Variants in CUBN observed in about 807,000 individuals in gnomAD.
CUBN encodes cubilin.
Under a neutral mutation model 405.3 loss-of-function variants are expected in CUBN, and 282 were observed. That is an observed-to-expected ratio of 0.70 (90% CI 0.63 to 0.77). The LOEUF (loss-of-function observed/expected upper bound fraction) is 0.77, where lower values mean the gene tolerates loss of function less well. Among genes scored for constraint, CUBN ranks in the 30% least tolerant of loss-of-function variants. The pLI is 0.00. For synonymous variants in CUBN, 1,684 were observed against 1,617.0 expected (o/e 1.04, Z -0.99); for missense variants, 4,514 against 4,475.2 (o/e 1.01, Z -0.25).
chr10:17,049,515 G>C (rs1255180493), intron 22 of CUBN, among the ~76,000 whole-genome samples: 3 of 152,168 alleles, frequency 2.0e-5, no homozygotes, highest in African/African-American at 7.2e-5. Context: ...GGGCAATAAT[G>C]ATGGGTAGTT....
At chr10:17,038,865 T>C (rs1306284693) in intron 27 of CUBN, among the ~76,000 whole-genome samples, 3 of 152,162 alleles carry the variant, frequency 2.0e-5, no homozygotes, top group East Asian at 3.9e-4. Flanking sequence ...CATTTTGTAT[T>C]TTTGCTCTTT....
chr10:16,991,306 A>C (rs1316634158), intron 28 of CUBN, among the ~76,000 whole-genome samples: 1 of 152,210 alleles, frequency 6.6e-6, no homozygotes, highest in Non-Finnish European at 1.5e-5. Flanking sequence ...AGGTACTGTT[A>C]GGATCCAATT....
intron 36 of CUBN, among the ~76,000 whole-genome samples, chr10:16,943,027 C>T (rs1205262651): frequency 6.6e-6 from 1 of 152,232 alleles, no homozygotes; most frequent in African/African-American, 2.4e-5. Context: ...GGGGCTCTAT[C>T]TCAGCTAATG....
intron 31 of CUBN, among the ~76,000 whole-genome samples, 169 bp downstream of exon 31, chr10:16,982,315 T>C (rs531762689): frequency 2.6e-5 from 4 of 152,320 alleles, no homozygotes; most frequent in African/African-American, 9.6e-5. Flanking sequence ...TCCTGATTTG[T>C]TTTTAGGTAA....
In CUBN at chr10:17,127,262, T is replaced by C. The variant is rs866419250; in HGVS notation, c.349-463A>G. Reference sequence around the variant, plus strand: ...TCTCTTTCTGTCTCTCTCTCTCTCTTTCTTTTTTTTTTTTTTTTTTTCTGG... The same window carrying C: ...TCTCTTTCTGTCTCTCTCTCTCTCTCTCTTTTTTTTTTTTTTTTTTTCTGG... On this transcript the variant is annotated intron_variant, in intron 3 of 66. Transcript: ENST00000377833. Among the ~76,000 whole-genome samples the C allele has an allele frequency of 2.3e-3, 181 of 80,396 alleles. 1 individual carries two copies. Among genetic ancestry groups the C allele is most frequent in the African/African-American group, 8.1e-3 (169 of 20,768 alleles). The allele number at this position is 80,396 out of a possible 152,430, so 52.7% of individuals were successfully genotyped here.
chr10:16,995,186 T>C lies in CUBN; in HGVS notation c.4169-4671A>G, dbSNP rs183327951. On this transcript the variant is annotated intron_variant, in intron 28 of 66. Transcript: ENST00000377833. ...AATAGACACAGTGGCTCTTTGTCAC[T>C]TTGGTAAGAGAAAGTTTTCATGGAG... Among the ~76,000 whole-genome samples the C allele has an allele frequency of 2.0e-5, 3 of 152,344 alleles. No homozygotes were observed. In the East Asian group the frequency reaches 5.8e-4, roughly 29 times the overall value.
chr10:16,949,941 C>A (rs1263395215), intron 34 of CUBN, 60 bp downstream of exon 34: 17 of 1,236,982 alleles, frequency 1.4e-5, no homozygotes, highest in Non-Finnish European at 1.9e-5. Flanking sequence ...TATAAATATG[C>A]GGATCTATAA....
At chr10:16,947,117 T>C (rs540363195) in intron 36 of CUBN, 118 bp downstream of exon 36, 16 of 1,116,872 alleles carry the variant, frequency 1.4e-5, no homozygotes, top group East Asian at 7.4e-5. Context: ...CAGAGGAAAT[T>C]TGGAAAAATA....
chr10:16,998,707 A>G (rs1303891077), intron 28 of CUBN, among the ~76,000 whole-genome samples: 1 of 152,214 alleles, frequency 6.6e-6, no homozygotes. Context: ...TCTGTATTCC[A>G]TCTTGTAATT....
chr10:16,910,680 A>C (rs1316542948), intron 48 of CUBN, among the ~76,000 whole-genome samples: 1 of 152,122 alleles, frequency 6.6e-6, no homozygotes, highest in Non-Finnish European at 1.5e-5. Flanking sequence ...GCAGAGACCA[A>C]TATTAGTAAA....
intron 31 of CUBN, among the ~76,000 whole-genome samples, chr10:16,974,773 C>A (rs1298448311): frequency 6.6e-6 from 1 of 152,064 alleles, no homozygotes; most frequent in Non-Finnish European, 1.5e-5. Context: ...ACTAGCGCCC[C>A]CTCCCTCTTC....
rs10904878 is a variant in CUBN at position 17,102,602 on chromosome 10, T to A, written c.1530+523A>T. On this transcript the variant is annotated intron_variant, in intron 13 of 66. Coordinates refer to ENST00000377833, the MANE Select transcript of CUBN (RefSeq NM_001081.4). ...AGGCCTGGCCTTGTTACTCTTTTTT[T>A]TTTTTTTTTTTTTTTTTTTTGTGAG... Among the ~76,000 whole-genome samples the A allele has an allele frequency of 1.7e-3, 116 of 68,400 alleles. 1 individual carries two copies. Among genetic ancestry groups the A allele is most frequent in the South Asian group, 4.7e-3 (6 of 1,288 alleles). 44.9% of individuals were successfully genotyped at this position (68,400 alleles called of 152,430 possible).
At chr10:16,949,468 G>T (rs1226689946) in intron 34 of CUBN, among the ~76,000 whole-genome samples, 1 of 127,766 alleles carries the variant, frequency 7.8e-6, no homozygotes, top group Non-Finnish European at 1.8e-5. Context: ...TGTGTGTAGT[G>T]TGTGTGTGTT....
At chr10:16,918,214 G>T (rs1347433834) in intron 45 of CUBN, among the ~76,000 whole-genome samples, 1 of 152,186 alleles carries the variant, frequency 6.6e-6, no homozygotes, top group Non-Finnish European at 1.5e-5. Flanking sequence ...ATAGTTTCAA[G>T]TCAGGTATTG....
At chr10:17,109,560 G>T in intron 10 of CUBN, 80 bp downstream of exon 10, 1 of 1,149,700 alleles carries the variant, frequency 8.7e-7, no homozygotes, top group Non-Finnish European at 1.3e-6. Context: ...GAGAACAGAG[G>T]ATTTTGTGTT....
intron 40 of CUBN, among the ~76,000 whole-genome samples, chr10:16,930,273 C>G (rs1842324368): frequency 6.6e-6 from 1 of 152,170 alleles, no homozygotes; most frequent in African/African-American, 2.4e-5. Context: ...AGTATATACC[C>G]CTTTAAGTGC....
chr10:17,015,210 T>C (rs966737921), intron 28 of CUBN, among the ~76,000 whole-genome samples: 5 of 152,126 alleles, frequency 3.3e-5, no homozygotes, highest in African/African-American at 4.8e-5. Context: ...TAAGGAAAAG[T>C]GGTGGGGTCT....
At position 16,970,506 on chromosome 10, in the gene CUBN, G is replaced by A. The variant is rs187630157; in HGVS notation, c.4695+11978C>T. ...CAGGAGAATTGCTTGAACCTGGGAG[G>A]TGGAGGTCGCAGTGAGCTGAGATCA... On this transcript the variant is annotated intron_variant, in intron 31 of 66. Coordinates refer to ENST00000377833, the MANE Select transcript of CUBN (RefSeq NM_001081.4). 7.8e-3 allele frequency among the ~76,000 whole-genome samples: 1,185 copies of A among 151,548 alleles called. 6 individuals carry two copies. The highest frequency in any genetic ancestry group is 0.014 in the Non-Finnish European group (945 of 67,954).
intron 31 of CUBN, among the ~76,000 whole-genome samples, chr10:16,960,352 C>T (rs547808923): frequency 3.6e-4 from 54 of 152,038 alleles, no homozygotes; most frequent in African/African-American, 1.3e-3. Context: ...ATTAGCCAGG[C>T]GTAGTGACGT....
Sources: allele counts gnomAD v4.1 joint callset (sites outside exome capture counted in the v4.1 genomes callset), GRCh38; gene constraint gnomAD v4.1.1; transcripts MANE v1.5; gene names NCBI Gene and HGNC (gene_info 2026-07-23, HGNC 2026-07-21).